The following PRKG1 variants were observed in gnomAD, a reference collection of about 807,000 sequenced individuals.
PRKG1 encodes the protein cGMP-dependent protein kinase 1.
Under a neutral mutation model 88.1 loss-of-function variants are expected in PRKG1, and 35 were observed. The observed-to-expected ratio is 0.40, with a 90% confidence interval of 0.30 to 0.53. The LOEUF (loss-of-function observed/expected upper bound fraction) is 0.53, where lower values mean the gene tolerates loss of function less well. Among genes scored for constraint, PRKG1 ranks in the 20% least tolerant of loss-of-function variants. PRKG1 has a pLI of 0.59. For synonymous variants in PRKG1, 303 were observed against 292.5 expected (o/e 1.04, Z -0.37); for missense variants, 540 against 839.8 (o/e 0.64, Z 4.41).
intron 2 of PRKG1, among the ~76,000 whole-genome samples, chr10:51,344,925 G>C (rs572990074): frequency 3.9e-5 from 6 of 152,096 alleles, no homozygotes; most frequent in African/African-American, 1.4e-4. Context: ...AGGAACACTG[G>C]GATTTCTTCA....
At chr10:51,081,275 G>A (rs1358689009) in intron 1 of PRKG1, among the ~76,000 whole-genome samples, 2 of 152,196 alleles carry the variant, frequency 1.3e-5, no homozygotes, top group Non-Finnish European at 1.5e-5. Flanking sequence ...AGGGCGAAAC[G>A]AGATGGGTAT....
chr10:52,226,583 G>A (rs1041616445), intron 9 of PRKG1, among the ~76,000 whole-genome samples: 10 of 152,110 alleles, frequency 6.6e-5, no homozygotes, highest in African/African-American at 2.4e-4. Flanking sequence ...TGAAAAATGT[G>A]TGTCATAACC....
intron 1 of PRKG1, among the ~76,000 whole-genome samples, chr10:51,125,894 A>G (rs1251599630): frequency 7.3e-6 from 1 of 137,048 alleles, no homozygotes; most frequent in African/African-American, 2.7e-5. Flanking sequence ...ATGATTTATA[A>G]TTATAAAAAG....
intron 4 of PRKG1, among the ~76,000 whole-genome samples, chr10:51,906,422 A>AG (rs1842087956): frequency 1.3e-5 from 2 of 152,162 alleles, no homozygotes; most frequent in South Asian, 4.1e-4. Flanking sequence ...TATACATTTT[A>AG]GGGGGACAGA....
intron 2 of PRKG1, among the ~76,000 whole-genome samples, chr10:51,286,129 C>G (rs539343695): frequency 5.9e-5 from 9 of 152,178 alleles, no homozygotes; most frequent in Admixed American, 4.6e-4. Flanking sequence ...CCCCACCATG[C>G]CTGGTTAATT....
At chr10:51,508,879 T>G (rs1233462036) in intron 3 of PRKG1, among the ~76,000 whole-genome samples, 6 of 152,204 alleles carry the variant, frequency 3.9e-5, no homozygotes, top group Non-Finnish European at 8.8e-5. Context: ...CCCATTTTAT[T>G]ATTACATTAT....
intron 3 of PRKG1, among the ~76,000 whole-genome samples, chr10:51,600,583 A>C (rs374132281): frequency 6.6e-6 from 1 of 152,208 alleles, no homozygotes; most frequent in African/African-American, 2.4e-5. Context: ...ATAACGTGCT[A>C]TCTCACCCAA....
chr10:51,669,661 T>C (rs1840508358), intron 3 of PRKG1, among the ~76,000 whole-genome samples: 1 of 152,252 alleles, frequency 6.6e-6, no homozygotes, highest in Admixed American at 6.5e-5. Flanking sequence ...CAGGGTTATA[T>C]AATTAGTTTT....
At chr10:51,982,028 T>C (rs1286350522) in intron 5 of PRKG1, among the ~76,000 whole-genome samples, 1 of 152,200 alleles carries the variant, frequency 6.6e-6, no homozygotes, top group African/African-American at 2.4e-5. Context: ...TTTTTTTCTC[T>C]ATTTTTGTCT....
chr10:52,010,893 G>A (rs1289450913), intron 5 of PRKG1, among the ~76,000 whole-genome samples: 2 of 152,220 alleles, frequency 1.3e-5, no homozygotes, highest in Admixed American at 1.3e-4. Context: ...TGATTGTGGT[G>A]CTGAAGCAAG....
intron 3 of PRKG1, among the ~76,000 whole-genome samples, chr10:51,571,695 A>G (rs1437958052): frequency 6.6e-6 from 1 of 151,900 alleles, no homozygotes; most frequent in Non-Finnish European, 1.5e-5. Context: ...ACACTTAGGG[A>G]ATATGAAATG....
At chr10:51,488,704 A>G (rs936905758) in intron 3 of PRKG1, among the ~76,000 whole-genome samples, 1 of 152,132 alleles carries the variant, frequency 6.6e-6, no homozygotes, top group African/African-American at 2.4e-5. Flanking sequence ...TTAAACACAC[A>G]CACACATCAT....
chr10:51,654,217 A>T (rs2132319098), intron 3 of PRKG1, among the ~76,000 whole-genome samples: 1 of 152,330 alleles, frequency 6.6e-6, no homozygotes, highest in African/African-American at 2.4e-5. Flanking sequence ...GGTGTAAGAC[A>T]AGGATCCAAT....
intron 8 of PRKG1, among the ~76,000 whole-genome samples, chr10:52,137,245 A>G (rs1371705279): frequency 6.6e-6 from 1 of 152,114 alleles, no homozygotes; most frequent in African/African-American, 2.4e-5. Context: ...TTGACAAACC[A>G]GAAGATGATA....
chr10:51,230,990 A>G (rs1838829596), intron 2 of PRKG1, among the ~76,000 whole-genome samples: 1 of 152,164 alleles, frequency 6.6e-6, no homozygotes, highest in Non-Finnish European at 1.5e-5. Context: ...AGCTGTCCCC[A>G]GTGCCCTGGT....
chr10:52,220,872 G>A (rs12770079), intron 9 of PRKG1, among the ~76,000 whole-genome samples: 24,251 of 152,044 alleles, frequency 0.16, 2,609 homozygotes, highest in Non-Finnish European at 0.24. Context: ...GTGCTGCAAT[G>A]AACATCTGTA....
chr10:51,665,090 A>G (rs947913454), intron 3 of PRKG1, among the ~76,000 whole-genome samples: 1 of 152,154 alleles, frequency 6.6e-6, no homozygotes, highest in African/African-American at 2.4e-5. Context: ...ACTTTTCATT[A>G]TTAACTGAAA....
chr10:51,986,915 G>A (rs1277660951), intron 5 of PRKG1, among the ~76,000 whole-genome samples: 2 of 152,002 alleles, frequency 1.3e-5, no homozygotes, highest in African/African-American at 4.8e-5. Flanking sequence ...AACTCTTCAG[G>A]GAGATGGGGA....
chr10:51,758,422 T>C (rs1437499390), intron 3 of PRKG1, among the ~76,000 whole-genome samples: 2 of 152,236 alleles, frequency 1.3e-5, no homozygotes, highest in Non-Finnish European at 2.9e-5. Flanking sequence ...CAGTGGGTTA[T>C]TGGCCCTCAG....
Sources: gnomAD v4.1 joint callset for allele counts (sites outside exome capture counted in the v4.1 genomes callset) on GRCh38, gnomAD v4.1.1 for gene constraint, MANE v1.5 for transcripts, NCBI Gene and HGNC (gene_info 2026-07-23, HGNC 2026-07-21) for gene names.